Variants in BRF1 observed in about 807,000 individuals in gnomAD.
BRF1 encodes the protein transcription factor IIIB 90 kDa subunit.
Under a neutral mutation model 81.7 loss-of-function variants are expected in BRF1, and 59 were observed. The ratio of observed to expected loss-of-function variants is 0.72; its 90% CI spans 0.59 to 0.90. BRF1 has a LOEUF of 0.90. Ranked by LOEUF, BRF1 falls within the 40% of genes least tolerant of loss-of-function variation. The pLI, the probability that BRF1 is intolerant of heterozygous loss-of-function variation, is 0.00. For synonymous variants in BRF1, 491 were observed against 395.6 expected (o/e 1.24, Z -2.86); for missense variants, 1,050 against 936.3 (o/e 1.12, Z -1.58).
Position 105,228,933 on chromosome 14 carries a change from G to A in BRF1, c.695-20C>T, listed in dbSNP as rs761654611. The A allele has an allele frequency of 1.4e-5, 22 of 1,611,608 alleles. No homozygotes were observed. The African/African-American group carries it at 2.0e-4, about 15-fold the overall frequency. On this transcript the variant is annotated intron_variant, in intron 6 of 17. Transcript: ENST00000547530. ...GGAGCGCTGGAAGGCAACGAGACGGGCCTCGTCAACCACGGCTGGGAACCA... is the reference window on the plus strand; with the variant it reads ...GGAGCGCTGGAAGGCAACGAGACGGACCTCGTCAACCACGGCTGGGAACCA...
intron 3 of BRF1, among the ~76,000 whole-genome samples, chr14:105,268,473 G>A (rs587614023): frequency 3.2e-4 from 48 of 152,376 alleles, no homozygotes; most frequent in African/African-American, 5.3e-4. Flanking sequence ...ACCAGGCTAC[G>A]GGGCCAAGAG....
At chr14:105,254,470 G>A (rs1009699659) in intron 4 of BRF1, among the ~76,000 whole-genome samples, 2 of 152,136 alleles carry the variant, frequency 1.3e-5, no homozygotes, top group Non-Finnish European at 1.5e-5. Context: ...CGTTAGACAG[G>A]ATGGTCTCGA....
At chr14:105,264,892 C>G (rs1170551075) in intron 3 of BRF1, among the ~76,000 whole-genome samples, 1 of 151,688 alleles carries the variant, frequency 6.6e-6, no homozygotes, top group Non-Finnish European at 1.5e-5. Context: ...TGATTAGACA[C>G]AGCAAAAGAA....
At chr14:105,264,096 C>G (rs1203618995) in intron 3 of BRF1, among the ~76,000 whole-genome samples, 2 of 152,062 alleles carry the variant, frequency 1.3e-5, no homozygotes, top group Non-Finnish European at 2.9e-5. Context: ...AAAAACAGAA[C>G]CACAAATGAT....
intron 3 of BRF1, among the ~76,000 whole-genome samples, chr14:105,257,467 G>C (rs1021366796): frequency 1.3e-5 from 2 of 152,334 alleles, no homozygotes; most frequent in African/African-American, 4.8e-5. Flanking sequence ...ACTCCATGCA[G>C]AACAGCAAGG....
chr14:105,225,398 C>T (rs969137459), intron 10 of BRF1, among the ~76,000 whole-genome samples: 3 of 152,264 alleles, frequency 2.0e-5, no homozygotes, highest in South Asian at 2.1e-4. Context: ...GGGTCAGACA[C>T]GCCTCATTAT....
At position 105,269,440 on chromosome 14, in the gene BRF1, T is replaced by C. The variant is rs776528274; in HGVS notation, c.439+3281A>G. ...GTGCCACAAACCTGCCTGTTCACAGTGCACCGGGCAGTGGGTTTTCGTAAA... is the reference window on the plus strand; with the variant it reads ...GTGCCACAAACCTGCCTGTTCACAGCGCACCGGGCAGTGGGTTTTCGTAAA... On this transcript the variant is annotated intron_variant, in intron 3 of 17. Transcript: ENST00000547530. This position sits in a 1 kb window ranked among gnomAD's most constrained non-coding sequence, Gnocchi z 5.0. 6.6e-6 allele frequency among the ~76,000 whole-genome samples: 1 copy of C among 152,138 alleles called. No individual in the cohort carries two copies. Among genetic ancestry groups the C allele is most frequent in the Non-Finnish European group, 1.5e-5 (1 of 68,012 alleles).
At chr14:105,301,935 G>A (rs1373965530), upstream of BRF1, among the ~76,000 whole-genome samples, 1 of 152,150 alleles carries the variant, frequency 6.6e-6, no homozygotes, top group Non-Finnish European at 1.5e-5. Flanking sequence ...TGAGGAGTTC[G>A]AGACCAGCCT....
At chr14:105,283,911 C>T (rs2057214816) in intron 2 of BRF1, among the ~76,000 whole-genome samples, 1 of 152,228 alleles carries the variant, frequency 6.6e-6, no homozygotes, top group African/African-American at 2.4e-5. Flanking sequence ...GTCAGGAGGG[C>T]CCCTGGGCAG....
At chr14:105,229,050 C>G in intron 6 of BRF1, 137 bp from the exon 7 acceptor site, 1 of 777,546 alleles carries the variant, frequency 1.3e-6, no homozygotes, top group Non-Finnish European at 2.2e-6. Flanking sequence ...GGCAGTGAGA[C>G]CCTCACTTGG....
chr14:105,226,514 C>G (rs1893123780), intron 8 of BRF1, 120 bp downstream of exon 8: 1 of 1,542,178 alleles, frequency 6.5e-7, no homozygotes, highest in Middle Eastern at 2.3e-4. Flanking sequence ...GGTCATAGCA[C>G]TGAAGAGCGG....
rs2058545659 is a variant in BRF1 at position 105,315,379 on chromosome 14, C to G, written c.-219G>C. On this transcript the variant is annotated 5_prime_UTR_variant, in exon 1 of 18. Coordinates refer to the BRF1 transcript ENST00000327359. The surrounding 1 kb of genome is among the most constrained non-coding windows in gnomAD (Gnocchi z 4.4). The stretch of plus-strand genomic sequence containing the variant: ...CTCAATGCGGTGCCGGCCGGGGTGA[C>G]GAGGGTGCTTCCTCTCTCGGGTACC... The G allele has an allele frequency of 6.6e-6, 1 of 152,372 alleles. No homozygotes were observed. The highest frequency in any genetic ancestry group is 2.1e-4 in the South Asian group (1 of 4,834). The allele number at this position is 152,372 out of a possible 1,614,324, so 9.4% of individuals were successfully genotyped here. A position where few individuals can be genotyped will look rare whatever the true frequency, so the allele number is the denominator to read the frequency against.
chr14:105,269,615 G>A lies in BRF1; in HGVS notation c.439+3106C>T, dbSNP rs1220756790. On this transcript the variant is annotated intron_variant, in intron 3 of 17. Coordinates refer to ENST00000547530, the MANE Select transcript of BRF1 (RefSeq NM_001519.4). This position sits in a 1 kb window ranked among gnomAD's most constrained non-coding sequence, Gnocchi z 5.0. ...TTTCCCTTGGGCACACACTTAGTAG[G>A]AGGATCGCTGGAGCGTGTGGGAACT... Among the ~76,000 whole-genome samples, 1 of 152,162 alleles carries A rather than the reference G, an allele frequency of 6.6e-6. No homozygotes were observed. Among genetic ancestry groups the A allele is most frequent in the South Asian group, 2.1e-4 (1 of 4,824 alleles).
At chr14:105,293,020 G>T (rs1296592598) in intron 1 of BRF1, among the ~76,000 whole-genome samples, 1 of 152,190 alleles carries the variant, frequency 6.6e-6, no homozygotes, top group Non-Finnish European at 1.5e-5. Context: ...CACCCAGATG[G>T]CAACGGGACA....
At chr14:105,227,051 G>C (rs1036401823) in intron 7 of BRF1, 2 of 361,248 alleles carry the variant, frequency 5.5e-6, no homozygotes, top group Non-Finnish European at 1.0e-5. Context: ...AGGAGGTTGA[G>C]GCTGTAACGA....
intron 4 of BRF1, among the ~76,000 whole-genome samples, chr14:105,253,582 C>T (rs2055723987): frequency 6.6e-6 from 1 of 152,244 alleles, no homozygotes; most frequent in Non-Finnish European, 1.5e-5. Flanking sequence ...TAAGGGACCG[C>T]ACACAAAGGG....
In BRF1 at chr14:105,284,374, C is replaced by G. The variant is rs1281564020; in HGVS notation, c.265+1922G>C. On this transcript the variant is annotated intron_variant, in intron 2 of 17. Coordinates refer to ENST00000547530, the MANE Select transcript of BRF1 (RefSeq NM_001519.4). This position sits in a 1 kb window ranked among gnomAD's most constrained non-coding sequence, Gnocchi z 4.0. ...CATCCACTCTGCTGTGAGGGATCAT[C>G]GCAAGCCCAACTACCCCTGCCAGCC... 6.6e-6 allele frequency among the ~76,000 whole-genome samples: 1 copy of G among 152,180 alleles called. No individual in the cohort carries two copies. The highest frequency in any genetic ancestry group is 2.1e-4 in the South Asian group (1 of 4,834).
At chr14:105,296,849 G>A (rs1272185890) in intron 1 of BRF1, among the ~76,000 whole-genome samples, 1 of 151,966 alleles carries the variant, frequency 6.6e-6, no homozygotes, top group African/African-American at 2.4e-5. Flanking sequence ...TAGAGCTTAG[G>A]TACACATCTA....
Position 105,241,407 on chromosome 14 carries a change from G to T in BRF1, c.552C>A (p.Cys184Ter). The change falls in exon 6 of 18, where the codon TGC (cysteine) becomes TGA (stop). Residue 184 changes from cysteine (C) to a stop codon, truncating the protein, a stop_gained. Coordinates refer to ENST00000547530, the MANE Select transcript of BRF1 (RefSeq NM_001519.4). LOFTEE classifies it high-confidence loss of function. ...GGTGCGCAAAGCGTGGAATATACAG[G>T]CACGGGTCTGCGGCAGACACAGCAC... ...LCINAPAIDP[C>*]LYIPRFAHLL... 1.2e-6 allele frequency: 2 copies of T among 1,611,734 alleles called. No individual in the cohort carries two copies. Among genetic ancestry groups the T allele is most frequent in the Non-Finnish European group, 1.7e-6 (2 of 1,179,894 alleles).
Sources: gnomAD v4.1 joint callset for allele counts (sites outside exome capture counted in the v4.1 genomes callset) on GRCh38, gnomAD v4.1.1 for gene constraint, Gnocchi (gnomAD v3.1) non-coding constraint, MANE v1.5 for transcripts, NCBI Gene and HGNC (gene_info 2026-07-23, HGNC 2026-07-21) for gene names.